The following HIPK3 variants were observed in gnomAD, a reference collection of about 807,000 sequenced individuals.
HIPK3 encodes the protein homeodomain-interacting protein kinase 3.
A neutral mutation model predicts 124.2 loss-of-function variants in HIPK3; 47 were observed. The ratio of observed to expected loss-of-function variants is 0.38; its 90% CI spans 0.30 to 0.48. The LOEUF (loss-of-function observed/expected upper bound fraction) is 0.48, where lower values mean the gene tolerates loss of function less well. HIPK3 is among the 20% of genes least tolerant of loss of function. HIPK3 has a pLI of 0.98. For missense variants in HIPK3, 1,286 were observed against 1,454.3 expected, an observed-to-expected ratio of 0.88 and a Z score of 1.88; for synonymous variants, 482 against 515.2, an observed-to-expected ratio of 0.94 and a Z score of 0.87.
chr11:33,294,224 C>T (rs940930783), intron 2 of HIPK3, among the ~76,000 whole-genome samples: 1 of 151,440 alleles, frequency 6.6e-6, no homozygotes, highest in Non-Finnish European at 1.5e-5. Flanking sequence ...TTTTTAGTTC[C>T]TTTTTTTTCT....
At chr11:33,332,672 G>T (rs1853021450) in intron 3 of HIPK3, among the ~76,000 whole-genome samples, 1 of 152,150 alleles carries the variant, frequency 6.6e-6, no homozygotes, top group South Asian at 2.1e-4. Flanking sequence ...CAACTGCAGA[G>T]AAAATAAATC....
In HIPK3 at chr11:33,268,471, G is replaced by A. The variant is rs568016251; in HGVS notation, c.-3+10582G>A. Among the ~76,000 whole-genome samples, 6 of 151,210 alleles carry A rather than the reference G, an allele frequency of 4.0e-5. No homozygotes were observed. The East Asian group carries it at 7.8e-4, about 20-fold the overall frequency. On this transcript the variant is annotated intron_variant, in intron 1 of 16. Coordinates refer to ENST00000303296, the MANE Select transcript of HIPK3 (RefSeq NM_005734.5). Reference sequence around the variant, plus strand: ...CTGAGTGAGGTGGTGCATACCTGTAGTCCTAGCCACTCGGGAGACTGAGAC... The same window carrying A: ...CTGAGTGAGGTGGTGCATACCTGTAATCCTAGCCACTCGGGAGACTGAGAC...
chr11:33,344,058 T>G lies in HIPK3; in HGVS notation c.1897+2372T>G, dbSNP rs191210592. ...AGGAATTTCAAACATACAGAAAAAT[T>G]GAAAGAATAATATGTTTTCTACCCT... On this transcript the variant is annotated intron_variant, in intron 8 of 16. Coordinates refer to ENST00000303296, the MANE Select transcript of HIPK3 (RefSeq NM_005734.5). 1.4e-3 allele frequency among the ~76,000 whole-genome samples: 215 copies of G among 152,310 alleles called. 1 individual carries two copies. The highest frequency in any genetic ancestry group is 6.8e-3 in the South Asian group (33 of 4,830).
intron 7 of HIPK3, 39 bp from the exon 8 acceptor site, chr11:33,341,523 AT>A: frequency 1.3e-6 from 2 of 1,535,178 alleles, no homozygotes; most frequent in Non-Finnish European, 1.8e-6. Flanking sequence ...TGTATATTTC[AT>A]TTAGAAGACT....
chr11:33,316,249 A>G lies in HIPK3; in HGVS notation c.1098-12261A>G, dbSNP rs542930655. ...AAAAGCACCATTCTGTGGGATATTG[A>G]AAAAGCTGCTTTAACCTGAAATAAA... On this transcript the variant is annotated intron_variant, in intron 2 of 16. Transcript: ENST00000303296. Among the ~76,000 whole-genome samples, 5 of 152,352 alleles carry G rather than the reference A, an allele frequency of 3.3e-5. No homozygotes were observed. In the East Asian group the frequency reaches 5.8e-4, roughly 18 times the overall value.
chr11:33,283,312 G>C (rs529729072), intron 1 of HIPK3, among the ~76,000 whole-genome samples: 1 of 152,090 alleles, frequency 6.6e-6, no homozygotes, highest in East Asian at 1.9e-4. Context: ...GGGTTTCACC[G>C]TGTTAGCCAG....
chr11:33,344,159 A>G (rs1853425949), intron 8 of HIPK3, among the ~76,000 whole-genome samples: 1 of 152,240 alleles, frequency 6.6e-6, no homozygotes. Flanking sequence ...ACATACATGT[A>G]CTATTTGAAA....
At chr11:33,319,443 C>T (rs536331995) in intron 2 of HIPK3, among the ~76,000 whole-genome samples, 3 of 151,708 alleles carry the variant, frequency 2.0e-5, no homozygotes, top group Non-Finnish European at 4.4e-5. Flanking sequence ...TTGCAGTGAG[C>T]CGAGATTGTG....
At chr11:33,285,575 A>AT (rs1851525133) in intron 1 of HIPK3, among the ~76,000 whole-genome samples, 2 of 146,612 alleles carry the variant, frequency 1.4e-5, no homozygotes, top group African/African-American at 2.5e-5. Flanking sequence ...CTCAAAAAAA[A>AT]AAAATATATA....
intron 6 of HIPK3, among the ~76,000 whole-genome samples, 195 bp from the exon 7 acceptor site, chr11:33,340,773 T>C (rs1216297127): frequency 6.6e-6 from 1 of 152,202 alleles, no homozygotes; most frequent in Non-Finnish European, 1.5e-5. Context: ...TTGCAGAATA[T>C]ATACTTTTAC....
chr11:33,299,400 T>G (rs1444296617), intron 2 of HIPK3, among the ~76,000 whole-genome samples: 2 of 151,340 alleles, frequency 1.3e-5, no homozygotes, highest in South Asian at 4.2e-4. Context: ...GGAACCTGGG[T>G]GGCAGAGGTT....
intron 2 of HIPK3, among the ~76,000 whole-genome samples, chr11:33,303,117 C>A (rs1449166088): frequency 6.6e-6 from 1 of 152,136 alleles, no homozygotes; most frequent in African/African-American, 2.4e-5. Flanking sequence ...CCCTTGATAT[C>A]TGAGGGATTG....
chr11:33,299,550 A>T (rs1851934483), intron 2 of HIPK3, among the ~76,000 whole-genome samples: 1 of 152,152 alleles, frequency 6.6e-6, no homozygotes, highest in African/African-American at 2.4e-5. Context: ...TTGAAATGAT[A>T]GCAAAGGATT....
At chr11:33,271,920 A>T (rs905235391) in intron 1 of HIPK3, among the ~76,000 whole-genome samples, 4 of 152,238 alleles carry the variant, frequency 2.6e-5, no homozygotes, top group Admixed American at 6.5e-5. Context: ...ACTAACATAA[A>T]GAAAAAATCT....
At chr11:33,310,401 G>A (rs1852300663) in intron 2 of HIPK3, among the ~76,000 whole-genome samples, 1 of 152,056 alleles carries the variant, frequency 6.6e-6, no homozygotes, top group Non-Finnish European at 1.5e-5. Flanking sequence ...CACATCCCAG[G>A]TTCAAGTGAT....
intron 2 of HIPK3, among the ~76,000 whole-genome samples, chr11:33,301,950 C>G (rs1286577628): frequency 2.0e-5 from 3 of 151,946 alleles, no homozygotes; most frequent in Non-Finnish European, 4.4e-5. Flanking sequence ...TTTATATGTA[C>G]TGGGAAACCA....
intron 3 of HIPK3, among the ~76,000 whole-genome samples, chr11:33,334,986 A>C (rs1037684808): frequency 3.3e-5 from 5 of 152,206 alleles, no homozygotes; most frequent in Non-Finnish European, 7.3e-5. Context: ...GTTGTGAAAA[A>C]TGTTAATGAA....
Position 33,354,458 on chromosome 11 carries a change from A to C in HIPK3, c.*890A>C, listed in dbSNP as rs1206870291. On this transcript the variant is annotated 3_prime_UTR_variant, in exon 17 of 17. Coordinates refer to ENST00000303296, the MANE Select transcript of HIPK3 (RefSeq NM_005734.5). ...ATACTGTTAAGTGAAACTGCAATAC[A>C]ATCTAAGTTTATTTTGAGAGTGTTT... 1 of 152,650 alleles carries C rather than the reference A, an allele frequency of 6.6e-6. No individual in the cohort carries two copies. The highest frequency in any genetic ancestry group is 1.5e-5 in the Non-Finnish European group (1 of 68,026). 9.5% of individuals were successfully genotyped at this position (152,650 alleles called of 1,614,324 possible).
chr11:33,286,846 C>A lies in HIPK3; in HGVS notation c.432C>A (p.Val144=), dbSNP rs144714786. Reference sequence around the variant, plus strand: ...ATCATAGCAGCGCAATGCAGATTGTCGATGAATTGTCCATACTTCCTGCAA... The same window carrying A: ...ATCATAGCAGCGCAATGCAGATTGTAGATGAATTGTCCATACTTCCTGCAA... ...LDNHSSAMQI[V]DELSILPAML... The change falls in exon 2 of 17, where the codon GTC becomes GTA. Residue 144 remains valine, a synonymous_variant. Coordinates refer to ENST00000303296, the MANE Select transcript of HIPK3 (RefSeq NM_005734.5). 1 of 1,613,938 alleles carries A rather than the reference C, an allele frequency of 6.2e-7. No individual in the cohort carries two copies. The highest frequency in any genetic ancestry group is 8.5e-7 in the Non-Finnish European group (1 of 1,180,020).
Sources: allele counts gnomAD v4.1 joint callset (sites outside exome capture counted in the v4.1 genomes callset), GRCh38; gene constraint gnomAD v4.1.1; transcripts MANE v1.5; gene names NCBI Gene and HGNC (gene_info 2026-07-23, HGNC 2026-07-21).